The following WWOX variants were observed in gnomAD, a reference collection of about 807,000 sequenced individuals.
WWOX encodes the protein WW domain-containing oxidoreductase.
WWOX carries 69 observed loss-of-function variants against 46.2 expected under a neutral mutation model. That is an observed-to-expected ratio of 1.49 (90% confidence interval 1.23 to 1.82). WWOX has a LOEUF of 1.82. Among genes scored for constraint, WWOX ranks in the 40% most tolerant of loss-of-function variants. The pLI, the probability that WWOX is intolerant of heterozygous loss-of-function variation, is 0.00. For synonymous variants in WWOX, 359 were observed against 202.6 expected (o/e 1.77, Z -6.56); for missense variants, 919 against 542.6 (o/e 1.69, Z -6.89).
chr16:78,757,113 C>G (rs2049670317), intron 8 of WWOX: 10 of 687,120 alleles, frequency 1.5e-5, no homozygotes, highest in Non-Finnish European at 2.7e-5. Flanking sequence ...TTATTTGAGC[C>G]CCTATCTAGA....
At chr16:78,518,599 T>G (rs8058087) in intron 8 of WWOX, among the ~76,000 whole-genome samples, 1 of 152,068 alleles carries the variant, frequency 6.6e-6, no homozygotes, top group South Asian at 2.1e-4. Flanking sequence ...TGGAAACTTA[T>G]AATTTTAGCC....
At position 78,554,643 on chromosome 16, in the gene WWOX, C is replaced by T. The variant is rs190029440; in HGVS notation, c.1056+121891C>T. On this transcript the variant is annotated intron_variant, in intron 8 of 8. Transcript: ENST00000566780. ...TATGTGCCTTTGGACAAGAAAAAAT[C>T]CCCAGGACAGTCTCATTTGGCTTTT... Among the ~76,000 whole-genome samples the T allele has an allele frequency of 2.3e-4, 35 of 152,152 alleles. No homozygotes were observed. The East Asian group carries it at 5.2e-3, about 23-fold the overall frequency.
At chr16:78,940,126 G>T (rs2045822253) in intron 8 of WWOX, among the ~76,000 whole-genome samples, 1 of 152,092 alleles carries the variant, frequency 6.6e-6, no homozygotes, top group African/African-American at 2.4e-5. Context: ...TCCGAGACTT[G>T]GGACAATAAT....
intron 8 of WWOX, among the ~76,000 whole-genome samples, chr16:78,755,486 C>G (rs1477126387): frequency 1.3e-5 from 2 of 152,124 alleles, no homozygotes; most frequent in East Asian, 1.9e-4. Flanking sequence ...GAGGGAGGAA[C>G]AAAGATGTTC....
At chr16:78,340,123 T>A (rs1281076603) in intron 5 of WWOX, among the ~76,000 whole-genome samples, 1 of 116,840 alleles carries the variant, frequency 8.6e-6, no homozygotes, top group Admixed American at 8.4e-5. Context: ...GATAATTGTT[T>A]TAATTTTTCT....
chr16:78,708,189 T>A (rs1360523059), intron 8 of WWOX, among the ~76,000 whole-genome samples: 1 of 152,114 alleles, frequency 6.6e-6, no homozygotes, highest in African/African-American at 2.4e-5. Flanking sequence ...AGACCCTGTG[T>A]CTTAAAACAA....
intron 8 of WWOX, among the ~76,000 whole-genome samples, chr16:78,472,389 T>C (rs2084245204): frequency 6.6e-6 from 1 of 152,224 alleles, no homozygotes; most frequent in Non-Finnish European, 1.5e-5. Context: ...GCCTTGTTCA[T>C]TGTTTCTAAA....
At chr16:78,988,454 G>A (rs1191919435) in intron 8 of WWOX, among the ~76,000 whole-genome samples, 3 of 152,122 alleles carry the variant, frequency 2.0e-5, no homozygotes, top group Admixed American at 6.5e-5. Flanking sequence ...ACTGGAGACA[G>A]TTGAAGGTGC....
At chr16:79,026,095 C>T (rs1164835981) in intron 8 of WWOX, among the ~76,000 whole-genome samples, 1 of 151,586 alleles carries the variant, frequency 6.6e-6, no homozygotes, top group East Asian at 1.9e-4. Context: ...GTCCCCATGC[C>T]CAGCCCCTGT....
At chr16:78,762,491 G>C (rs1478905247) in intron 8 of WWOX, among the ~76,000 whole-genome samples, 1 of 152,190 alleles carries the variant, frequency 6.6e-6, no homozygotes, top group Non-Finnish European at 1.5e-5. Flanking sequence ...TCAGCCTGTG[G>C]TGAGGCTGCA....
intron 8 of WWOX, among the ~76,000 whole-genome samples, chr16:79,180,723 C>T (rs539062676): frequency 6.7e-6 from 1 of 149,678 alleles, no homozygotes; most frequent in Non-Finnish European, 1.5e-5. Context: ...TCTTGTCTCC[C>T]TGTCTATCTG....
chr16:78,831,448 G>A (rs1366488460), intron 8 of WWOX, among the ~76,000 whole-genome samples: 1 of 152,154 alleles, frequency 6.6e-6, no homozygotes, highest in Non-Finnish European at 1.5e-5. Flanking sequence ...AATAAAATGG[G>A]TGCTCTAGGG....
intron 5 of WWOX, 41 bp downstream of exon 5, chr16:78,164,330 A>G: frequency 6.4e-7 from 1 of 1,569,462 alleles, no homozygotes; most frequent in Non-Finnish European, 8.7e-7. Flanking sequence ...ATTGTCAAAT[A>G]CACATGCCGG....
chr16:78,480,336 T>C (rs185046885), intron 8 of WWOX, among the ~76,000 whole-genome samples: 1 of 152,350 alleles, frequency 6.6e-6, no homozygotes, highest in Non-Finnish European at 1.5e-5. Context: ...GATGAACCAC[T>C]TGGGTTCCGA....
intron 8 of WWOX, among the ~76,000 whole-genome samples, chr16:79,068,317 G>A (rs952698589): frequency 9.9e-5 from 15 of 152,140 alleles, no homozygotes. Flanking sequence ...TTGGGGGTGA[G>A]GACAATTATG....
chr16:78,510,593 T>A (rs560573841), intron 8 of WWOX, among the ~76,000 whole-genome samples: 17 of 152,320 alleles, frequency 1.1e-4, no homozygotes, highest in African/African-American at 4.1e-4. Context: ...CAACCATAAT[T>A]TAGCTATGGA....
chr16:78,396,807 A>C (rs1398961493), intron 6 of WWOX, among the ~76,000 whole-genome samples: 1 of 152,216 alleles, frequency 6.6e-6, no homozygotes, highest in Non-Finnish European at 1.5e-5. Context: ...ACATGAGACT[A>C]TTGTAATATA....
At chr16:78,109,973 C>A in intron 3 of WWOX, 138 bp downstream of exon 3, 1 of 895,674 alleles carries the variant, frequency 1.1e-6, no homozygotes, top group Non-Finnish European at 1.8e-6. Context: ...GAAGTGACTA[C>A]TTTTAACATC....
At chr16:78,363,496 C>T (rs924613284) in intron 5 of WWOX, among the ~76,000 whole-genome samples, 5 of 151,990 alleles carry the variant, frequency 3.3e-5, no homozygotes, top group Non-Finnish European at 5.9e-5. Flanking sequence ...CCAGGCTGTC[C>T]TTGAACTCCT....
Sources: gnomAD v4.1 joint callset for allele counts (sites outside exome capture counted in the v4.1 genomes callset) on GRCh38, gnomAD v4.1.1 for gene constraint, MANE v1.5 for transcripts, NCBI Gene and HGNC (gene_info 2026-07-23, HGNC 2026-07-21) for gene names.